Variants in FHIT observed in about 807,000 individuals in gnomAD.
The protein encoded by FHIT is fragile histidine triad diadenosine triphosphatase.
A neutral mutation model predicts 17.9 loss-of-function variants in FHIT; 19 were observed. That is an observed-to-expected ratio of 1.06 (90% CI 0.74 to 1.56). FHIT has a LOEUF of 1.56. Ranked by LOEUF, FHIT falls within the 40% of genes most tolerant of loss-of-function variation. The pLI is 0.00. For missense variants in FHIT, 248 were observed against 189.2 expected (o/e 1.31, Z -1.82); for synonymous variants, 81 against 69.7 (o/e 1.16, Z -0.81).
chr3:60,368,269 T>C (rs771204679), intron 5 of FHIT, among the ~76,000 whole-genome samples: 6 of 151,908 alleles, frequency 3.9e-5, no homozygotes, highest in Non-Finnish European at 8.8e-5. Flanking sequence ...CCACTAGCTA[T>C]GTTTATGCAT....
chr3:60,309,054 C>T (rs928263115), intron 5 of FHIT, among the ~76,000 whole-genome samples: 1 of 152,122 alleles, frequency 6.6e-6, no homozygotes, highest in Admixed American at 6.5e-5. Flanking sequence ...CTCTGGTAAA[C>T]AGGATTCATT....
chr3:60,522,122 T>TTC (rs2035394276), intron 5 of FHIT, among the ~76,000 whole-genome samples: 4 of 151,270 alleles, frequency 2.6e-5, no homozygotes, highest in Admixed American at 2.6e-4. Flanking sequence ...TTTTTTTTTT[T>TTC]TTCTGACACA....
At chr3:60,086,884 G>A (rs1165468859) in intron 5 of FHIT, among the ~76,000 whole-genome samples, 1 of 152,132 alleles carries the variant, frequency 6.6e-6, no homozygotes, top group Non-Finnish European at 1.5e-5. Flanking sequence ...TGTATAATTT[G>A]GGAGTCCCTT....
At chr3:60,374,779 C>A (rs369023651) in intron 5 of FHIT, among the ~76,000 whole-genome samples, 1 of 151,988 alleles carries the variant, frequency 6.6e-6, no homozygotes, top group African/African-American at 2.4e-5. Flanking sequence ...ATTTTCTCAA[C>A]GTTGAGACGT....
At chr3:60,792,897 T>G (rs1553728983) in intron 4 of FHIT, among the ~76,000 whole-genome samples, 1 of 152,028 alleles carries the variant, frequency 6.6e-6, no homozygotes, top group Non-Finnish European at 1.5e-5. Flanking sequence ...CCAGAAGTTG[T>G]TAAGAACTTG....
At chr3:60,249,343 C>T (rs1705568473) in intron 5 of FHIT, among the ~76,000 whole-genome samples, 1 of 152,082 alleles carries the variant, frequency 6.6e-6, no homozygotes, top group Admixed American at 6.6e-5. Context: ...TATCTATTTA[C>T]ACTTTTCTCG....
intron 5 of FHIT, among the ~76,000 whole-genome samples, chr3:60,280,678 A>C (rs1274416832): frequency 6.6e-6 from 1 of 152,104 alleles, no homozygotes; most frequent in Non-Finnish European, 1.5e-5. Context: ...CCTAGATTTT[A>C]GACTTCTGGC....
At chr3:59,945,992 C>T (rs1706782950) in intron 7 of FHIT, among the ~76,000 whole-genome samples, 1 of 152,114 alleles carries the variant, frequency 6.6e-6, no homozygotes, top group African/African-American at 2.4e-5. Flanking sequence ...TTGCTTAGGA[C>T]TGCTTTGGCT....
chr3:61,097,855 T>C (rs1196453011), intron 2 of FHIT, among the ~76,000 whole-genome samples: 1 of 152,216 alleles, frequency 6.6e-6, no homozygotes, highest in Non-Finnish European at 1.5e-5. Context: ...ATTAGATCTT[T>C]GTTAGATGCA....
At chr3:60,258,577 G>A (rs1031744398) in intron 5 of FHIT, among the ~76,000 whole-genome samples, 7 of 58,448 alleles carry the variant, frequency 1.2e-4, no homozygotes, top group Non-Finnish European at 3.8e-4. Flanking sequence ...TAGTAGTATA[G>A]GGGAAAAATA....
intron 5 of FHIT, among the ~76,000 whole-genome samples, chr3:60,367,478 C>T (rs1461411164): frequency 6.6e-6 from 1 of 152,160 alleles, no homozygotes; most frequent in Non-Finnish European, 1.5e-5. Context: ...TAAGAAAACT[C>T]TTACTCAAAA....
intron 7 of FHIT, among the ~76,000 whole-genome samples, chr3:59,942,390 G>A (rs1706567887): frequency 6.6e-6 from 1 of 152,126 alleles, no homozygotes; most frequent in Non-Finnish European, 1.5e-5. Context: ...CTTGAGCGCA[G>A]GTCTCATTTT....
At chr3:60,733,436 T>C (rs973819124) in intron 4 of FHIT, among the ~76,000 whole-genome samples, 1 of 151,900 alleles carries the variant, frequency 6.6e-6, no homozygotes, top group African/African-American at 2.4e-5. Flanking sequence ...GTGTGGTTTT[T>C]GTTTTGTTTT....
Position 60,208,157 on chromosome 3 carries a change from A to C in FHIT, c.104-194005T>G, listed in dbSNP as rs78636541. Among the ~76,000 whole-genome samples the C allele has an allele frequency of 8.3e-3, 1,260 of 152,324 alleles. 46 individuals are homozygous for C. Among genetic ancestry groups the C allele is most frequent in the East Asian group, 0.079 (409 of 5,178 alleles). ...TGTGTTTACACTTTTTCTGTGTACAAGAACTGCTGACAAAGGCAAGCGTGA... is the reference window on the plus strand; with the variant it reads ...TGTGTTTACACTTTTTCTGTGTACACGAACTGCTGACAAAGGCAAGCGTGA... On this transcript the variant is annotated intron_variant, in intron 5 of 9. Coordinates refer to ENST00000492590, the MANE Select transcript of FHIT (RefSeq NM_002012.4).
intron 4 of FHIT, among the ~76,000 whole-genome samples, chr3:60,598,434 A>G (rs1250437561): frequency 6.6e-6 from 1 of 152,162 alleles, no homozygotes; most frequent in Non-Finnish European, 1.5e-5. Context: ...AATATTTTAA[A>G]ATGTATTTCA....
intron 4 of FHIT, among the ~76,000 whole-genome samples, chr3:60,738,421 G>A (rs2042175919): frequency 6.6e-6 from 1 of 152,174 alleles, no homozygotes; most frequent in African/African-American, 2.4e-5. Context: ...CAAGCCGAGG[G>A]ACTTTCTGCA....
intron 4 of FHIT, among the ~76,000 whole-genome samples, chr3:60,689,201 T>A (rs903914023): frequency 3.9e-5 from 6 of 151,950 alleles, no homozygotes; most frequent in Admixed American, 1.3e-4. Flanking sequence ...TTTCACCTTC[T>A]GCCATGATTG....
At chr3:60,522,626 T>C (rs1046386265) in intron 5 of FHIT, among the ~76,000 whole-genome samples, 19 of 152,134 alleles carry the variant, frequency 1.2e-4, no homozygotes, top group South Asian at 6.2e-4. Flanking sequence ...ACTCAGAACA[T>C]ATTTTTGAGA....
intron 3 of FHIT, among the ~76,000 whole-genome samples, chr3:60,994,771 C>T (rs1439856647): frequency 6.6e-6 from 1 of 152,042 alleles, no homozygotes; most frequent in Non-Finnish European, 1.5e-5. Context: ...GCAAGCAAGC[C>T]GCACAGGTGA....
Sources: gnomAD v4.1 joint callset for allele counts (sites outside exome capture counted in the v4.1 genomes callset) on GRCh38, gnomAD v4.1.1 for gene constraint, MANE v1.5 for transcripts, NCBI Gene and HGNC (gene_info 2026-07-23, HGNC 2026-07-21) for gene names.